The following RBM23 variants were observed in gnomAD, a reference collection of about 807,000 sequenced individuals.
The protein encoded by RBM23 is RNA binding motif protein 23, also known as probable RNA-binding protein 23.
In RBM23, 53 loss-of-function variants were observed where a neutral mutation model predicts 56.2. That is an observed-to-expected ratio of 0.94 (90% confidence interval 0.76 to 1.19). The LOEUF is 1.19. RBM23 is among the 50% of genes most tolerant of loss of function. The pLI is 0.00. For synonymous variants in RBM23, 197 were observed against 198.5 expected, an observed-to-expected ratio of 0.99 and a Z score of 0.06; for missense variants, 642 against 590.3, an observed-to-expected ratio of 1.09 and a Z score of -0.91.
intron 5 of RBM23, 69 bp downstream of exon 5, chr14:22,906,126 G>T: frequency 6.5e-7 from 1 of 1,549,436 alleles, no homozygotes; most frequent in Non-Finnish European, 8.8e-7. Flanking sequence ...CTCAAGCAGG[G>T]TTCATAGTGC....
chr14:22,915,991 G>A (rs1386088648), intron 1 of RBM23, among the ~76,000 whole-genome samples: 1 of 152,226 alleles, frequency 6.6e-6, no homozygotes, highest in Non-Finnish European at 1.5e-5. Flanking sequence ...AGCTAAGGCT[G>A]GAGAATGGCT....
chr14:22,917,666 A>T (rs3794453), intron 1 of RBM23: 85,996 of 151,410 alleles, frequency 0.57, 25,293 homozygotes, highest in East Asian at 0.79. Context: ...CGCCTCGGCC[A>T]CCCAAAGTGC....
At chr14:22,902,756 CT>C (rs59987550) in intron 10 of RBM23, 46,742 of 457,176 alleles carry the variant, frequency 0.1, 6,084 homozygotes, top group South Asian at 0.11. Flanking sequence ...AAGTTTTAGT[CT>C]TTTTTTTTTT....
Position 22,902,193 on chromosome 14 carries a change from C to T in RBM23, c.1120G>A (p.Ala374Thr). The T allele has an allele frequency of 6.2e-7, 1 of 1,613,582 alleles. No individual in the cohort carries two copies. Among genetic ancestry groups the T allele is most frequent in the Non-Finnish European group, 8.5e-7 (1 of 1,179,514 alleles). Reference sequence around the variant, plus strand: ...CCTTGCGGAGATATTTTACCTTCTGCCAGTTTTGCCATGAGCTGAAAACGT... The same window carrying T: ...CCTTGCGGAGATATTTTACCTTCTGTCAGTTTTGCCATGAGCTGAAAACGT... Reference protein sequence around the residue: ...GGRFQLMAKLAEGAGIQLPST... With the variant: ...GGRFQLMAKLTEGAGIQLPST... Residue 374 changes from alanine (A) to threonine (T), a missense_variant, in exon 11 of 14, where the codon GCA becomes ACA. Physicochemically the swap from Ala to Thr is moderately conservative, Grantham distance 58. Coordinates refer to ENST00000359890, the MANE Select transcript of RBM23 (RefSeq NM_001077351.2).
chr14:22,900,015 CTTA>C lies in RBM23; in HGVS notation c.*1712_*1714del, dbSNP rs1051505120. On this transcript the variant is annotated 3_prime_UTR_variant, in exon 14 of 14. Coordinates refer to ENST00000359890, the MANE Select transcript of RBM23 (RefSeq NM_001077351.2). Reference sequence around the variant, plus strand: ...GGTGAGACAGCCTCTCTCCCACCCCCTTATTATTAAGGCAGTGGTAGGTGCACC... The same window carrying C: ...GGTGAGACAGCCTCTCTCCCACCCCCTTATTAAGGCAGTGGTAGGTGCACC... 1.4e-4 allele frequency: 22 copies of C among 152,246 alleles called. No homozygotes were observed. Among genetic ancestry groups the C allele is most frequent in the Admixed American group, 9.8e-4 (15 of 15,300 alleles). 9.4% of individuals were successfully genotyped at this position (152,246 alleles called of 1,614,324 possible).
rs2041344605 is a variant in RBM23, at chr14:22,905,327, G to A, written c.573+9C>T. On this transcript the variant is annotated intron_variant, in intron 7 of 13. Coordinates refer to ENST00000359890, the MANE Select transcript of RBM23 (RefSeq NM_001077351.2). ...GCTACTCAGAAGAAAACTAAGGTGG[G>A]AGGGTTACCTTGCCTACAGCAGAGA... is the stretch of plus-strand genomic sequence containing the variant. The A allele has an allele frequency of 1.2e-6, 2 of 1,614,064 alleles. No homozygotes were observed. The highest frequency in any genetic ancestry group is 8.5e-7 in the Non-Finnish European group (1 of 1,179,980).
chr14:22,901,754 T>C (rs1002203115), intron 13 of RBM23, 21 bp from the exon 14 acceptor site: 10 of 1,613,656 alleles, frequency 6.2e-6, no homozygotes, highest in Admixed American at 5.0e-5. Flanking sequence ...AAGAGGTAAA[T>C]GGGAAGCCAA....
intron 1 of RBM23, among the ~76,000 whole-genome samples, chr14:22,912,651 A>C (rs950454248): frequency 1.3e-5 from 2 of 152,148 alleles, no homozygotes; most frequent in African/African-American, 4.8e-5. Context: ...AGCCCCCCCC[A>C]CAAAAAGTAC....
chr14:22,905,002 T>C lies in RBM23; in HGVS notation c.737A>G (p.Asn246Ser). The change falls in exon 9 of 14, where the codon AAC (asparagine) becomes AGC (serine). Residue 246 changes from asparagine (N) to serine (S), a missense_variant. Asn to Ser is a conservative substitution (Grantham distance 46). Coordinates refer to ENST00000359890, the MANE Select transcript of RBM23 (RefSeq NM_001077351.2). ...IIVQASQAEK[N>S]RLAAMANNLQ... is the part of the protein sequence containing the mutation. ...GTTGTTGGCCATGGCTGCCAGTCGG[T>C]TTTTCTCTGCCTGGGGAAGGAGGAA... 1 of 1,614,102 alleles carries C rather than the reference T, an allele frequency of 6.2e-7. No homozygotes were observed. Among genetic ancestry groups the C allele is most frequent in the Non-Finnish European group, 8.5e-7 (1 of 1,180,010 alleles).
At chr14:22,915,755 C>T (rs1385979300) in intron 1 of RBM23, among the ~76,000 whole-genome samples, 1 of 152,098 alleles carries the variant, frequency 6.6e-6, no homozygotes, top group African/African-American at 2.4e-5. Flanking sequence ...CTCGGCCTCC[C>T]AGTGCTGGGA....
At chr14:22,902,499 A>G in intron 10 of RBM23, 117 bp from the exon 11 acceptor site, 1 of 1,432,460 alleles carries the variant, frequency 7.0e-7, no homozygotes, top group Non-Finnish European at 9.2e-7. Flanking sequence ...TGAGGTACAA[A>G]CTTTTCTTTC....
At chr14:22,903,598 C>T in intron 10 of RBM23, 1 of 991,398 alleles carries the variant, frequency 1.0e-6, no homozygotes, top group African/African-American at 1.7e-5. Context: ...GCCCTCTGCC[C>T]TGTGGGTCAC....
intron 9 of RBM23, 120 bp from the exon 10 acceptor site, chr14:22,904,446 A>C: frequency 1.2e-6 from 1 of 817,858 alleles, no homozygotes; most frequent in Non-Finnish European, 1.9e-6. Context: ...CACCCACTCC[A>C]GCCTGGGTGA....
chr14:22,904,927 T>A lies in RBM23; in HGVS notation c.812A>T (p.His271Leu), dbSNP rs1171028542. 1 of 1,614,228 alleles carries A rather than the reference T, an allele frequency of 6.2e-7. No individual in the cohort carries two copies. The highest frequency in any genetic ancestry group is 8.5e-7 in the Non-Finnish European group (1 of 1,180,028). Residue 271 changes from histidine to leucine, a missense_variant, in exon 9 of 14, where the codon CAC (histidine) becomes CTC (leucine). His to Leu is a moderately conservative substitution (Grantham distance 99). Coordinates refer to ENST00000359890, the MANE Select transcript of RBM23 (RefSeq NM_001077351.2). ...GPMRLYVGSLHFNITEDMLRG... is the reference protein window; with the variant it reads ...GPMRLYVGSLLFNITEDMLRG... The stretch of plus-strand genomic sequence containing the variant: ...GAGCATGTCTTCAGTGATATTGAAG[T>A]GCAGGGAACCCACATAGAGGCGCAT...
At position 22,901,968 on chromosome 14, in the gene RBM23, G is replaced by A. The variant is rs1461387773; in HGVS notation, c.1246+12C>T. ...CCCAAACCTTCCCTTCCTTTCCCAT[G>A]TCCAAGACTACCAGTCAGAGCTGCT... On this transcript the variant is annotated intron_variant, in intron 12 of 13. Transcript: ENST00000359890. The A allele has an allele frequency of 6.2e-7, 1 of 1,611,028 alleles. No homozygotes were observed. Among genetic ancestry groups the A allele is most frequent in the Admixed American group, 1.7e-5 (1 of 59,876 alleles).
intron 1 of RBM23, 83 bp downstream of exon 1, chr14:22,918,916 C>G (rs2044087740): frequency 6.6e-6 from 1 of 152,026 alleles, no homozygotes; most frequent in South Asian, 2.1e-4. Flanking sequence ...CATTTTCTGC[C>G]CGTGACGTCA....
At chr14:22,916,233 A>G (rs1197694100) in intron 1 of RBM23, among the ~76,000 whole-genome samples, 1 of 151,514 alleles carries the variant, frequency 6.6e-6, no homozygotes, top group Non-Finnish European at 1.5e-5. Flanking sequence ...AAAACAGAGA[A>G]GGTCACACAG....
At position 22,900,015 on chromosome 14, in the gene RBM23, CTTAT is replaced by C. The variant is rs2040322911; in HGVS notation, c.*1711_*1714del. On this transcript the variant is annotated 3_prime_UTR_variant, in exon 14 of 14. Transcript: ENST00000359890. ...GGTGAGACAGCCTCTCTCCCACCCC[CTTAT>C]TATTAAGGCAGTGGTAGGTGCACCT... 2 of 152,246 alleles carry C rather than the reference CTTAT, an allele frequency of 1.3e-5. No individual in the cohort carries two copies. The highest frequency in any genetic ancestry group is 4.8e-5 in the African/African-American group (2 of 41,534). The allele number at this position is 152,246 out of a possible 1,614,324, so 9.4% of individuals were successfully genotyped here.
At position 22,902,357 on chromosome 14, in the gene RBM23, C is replaced by G; in HGVS notation, c.956G>C (p.Arg319Pro). ...AAACCCATTCAACTGTTCCAGGGCCCGCCGGGCACACTCAGAATCAGAGAA... is the reference window on the plus strand; with the variant it reads ...AAACCCATTCAACTGTTCCAGGGCCGGCCGGGCACACTCAGAATCAGAGAA... ...ITFSDSECAR[R>P]ALEQLNGFEL... Residue 319 changes from arginine (R) to proline (P), a missense_variant, in exon 11 of 14, where the codon CGG becomes CCG. Arg to Pro is a moderately radical substitution (Grantham distance 103). Transcript: ENST00000359890. 1 of 1,613,482 alleles carries G rather than the reference C, an allele frequency of 6.2e-7. No individual in the cohort carries two copies. Among genetic ancestry groups the G allele is most frequent in the Non-Finnish European group, 8.5e-7 (1 of 1,179,500 alleles).
Sources: gnomAD v4.1 joint callset for allele counts (sites outside exome capture counted in the v4.1 genomes callset) on GRCh38, gnomAD v4.1.1 for gene constraint, MANE v1.5 for transcripts, NCBI Gene and HGNC (gene_info 2026-07-23, HGNC 2026-07-21) for gene names.